Variants in CCDC169 observed in about 807,000 individuals in gnomAD.
The protein encoded by CCDC169 is coiled-coil domain containing 169, also known as coiled-coil domain-containing protein 169.
Under a neutral mutation model 36.0 loss-of-function variants are expected in CCDC169, and 30 were observed. That is an observed-to-expected ratio of 0.83 (90% CI 0.62 to 1.13). The LOEUF is 1.13. Ranked by LOEUF, CCDC169 falls within the 50% of genes most tolerant of loss-of-function variation. CCDC169 has a pLI of 0.00. For missense variants in CCDC169, 245 were observed against 245.9 expected (o/e 1.00, Z 0.03); for synonymous variants, 85 against 81.5 (o/e 1.04, Z -0.23).
At chr13:36,278,633 T>C (rs953450670) in intron 4 of CCDC169, among the ~76,000 whole-genome samples, 1 of 152,104 alleles carries the variant, frequency 6.6e-6, no homozygotes, top group African/African-American at 2.4e-5. Context: ...TGTCCCCCCA[T>C]CCTTTCTCAA....
intron 4 of CCDC169, among the ~76,000 whole-genome samples, chr13:36,271,345 C>T (rs1925843): frequency 0.25 from 38,730 of 151,992 alleles, 5,212 homozygotes; most frequent in East Asian, 0.49. Flanking sequence ...GAAAACAGTA[C>T]GGAGATTCCT....
Position 36,230,821 on chromosome 13 carries a change from C to G in CCDC169, c.*372G>C. ...TTTAAAAAACTGAGCAAGATCCAGC[C>G]CAAAATGGCAAAAAGGTTTTATGAA... On this transcript the variant is annotated 3_prime_UTR_variant, in exon 8 of 8. Transcript: ENST00000239859. The G allele has an allele frequency of 1.0e-6, 1 of 989,944 alleles. No homozygotes were observed. Among genetic ancestry groups the G allele is most frequent in the Non-Finnish European group, 1.2e-6 (1 of 833,316 alleles). 61.3% of individuals were successfully genotyped at this position (989,944 alleles called of 1,614,324 possible). A position where few individuals can be genotyped will look rare whatever the true frequency, so the allele number is the denominator to read the frequency against.
chr13:36,285,614 G>GATAGATAGATAGATAGATACATACATAC (rs568184993), intron 2 of CCDC169, among the ~76,000 whole-genome samples: 1 of 138,074 alleles, frequency 7.2e-6, no homozygotes, highest in Non-Finnish European at 1.6e-5. Context: ...TAGATAGATA[G>GATAGATAGATAGATAGATACATACATAC]ATAGATACAT....
At chr13:36,297,427 A>G (rs1879659545) in intron 1 of CCDC169, among the ~76,000 whole-genome samples, 1 of 152,142 alleles carries the variant, frequency 6.6e-6, no homozygotes, top group South Asian at 2.1e-4. Flanking sequence ...TCCTACCCGG[A>G]AAGCTGCCTA....
intron 7 of CCDC169, among the ~76,000 whole-genome samples, chr13:36,246,491 A>C (rs1239031396): frequency 2.6e-5 from 4 of 152,360 alleles, no homozygotes; most frequent in African/African-American, 9.6e-5. Context: ...AATCCTTTCA[A>C]TTCTATGAAG....
chr13:36,271,608 T>C (rs1300504645), intron 4 of CCDC169, among the ~76,000 whole-genome samples: 1 of 152,154 alleles, frequency 6.6e-6, no homozygotes, highest in African/African-American at 2.4e-5. Flanking sequence ...TCTTTTGCAG[T>C]AACTTGGATG....
At chr13:36,258,866 A>T (rs183020546) in intron 4 of CCDC169, among the ~76,000 whole-genome samples, 56 of 152,264 alleles carry the variant, frequency 3.7e-4, no homozygotes, top group Non-Finnish European at 6.0e-4. Flanking sequence ...AGATCCAAGA[A>T]CCCTCTCTTG....
chr13:36,245,503 T>C (rs549695346), intron 7 of CCDC169, among the ~76,000 whole-genome samples: 17 of 151,994 alleles, frequency 1.1e-4, no homozygotes, highest in Non-Finnish European at 2.5e-4. Context: ...TTGCCATGTT[T>C]CCCAAGTTGG....
At position 36,254,154 on chromosome 13, in the gene CCDC169, A is replaced by G; in HGVS notation, c.316-11T>C. ...TGTGTTTAAGGATTCCTAAAAATATAAATAGTAAAATTTTATATGTACTCA... is the reference window on the plus strand; with the variant it reads ...TGTGTTTAAGGATTCCTAAAAATATGAATAGTAAAATTTTATATGTACTCA... On this transcript the variant is annotated splice_polypyrimidine_tract_variant and intron_variant, in intron 4 of 7. Coordinates refer to ENST00000239859, the MANE Select transcript of CCDC169 (RefSeq NM_001144981.3). 6.7e-7 allele frequency: 1 copy of G among 1,483,954 alleles called. No homozygotes were observed. The highest frequency in any genetic ancestry group is 9.0e-7 in the Non-Finnish European group (1 of 1,114,948). The allele number at this position is 1,483,954 out of a possible 1,614,324, so 91.9% of individuals were successfully genotyped here.
At chr13:36,238,380 C>A (rs9546830) in intron 7 of CCDC169, among the ~76,000 whole-genome samples, 61,635 of 152,012 alleles carry the variant, frequency 0.41, 13,270 homozygotes, top group Non-Finnish European at 0.48. Flanking sequence ...GATTGTCCTG[C>A]CTTGGCCTTC....
intron 4 of CCDC169, chr13:36,280,710 C>G (rs929364099): frequency 6.6e-6 from 1 of 152,174 alleles, no homozygotes; most frequent in African/African-American, 2.4e-5. Context: ...GAACTGTCTA[C>G]AGTGGATATG....
intron 2 of CCDC169, 53 bp downstream of exon 2, chr13:36,295,724 TA>T (rs1879400304): frequency 1.1e-6 from 1 of 922,696 alleles, no homozygotes; most frequent in African/African-American, 1.7e-5. Flanking sequence ...GATATCCTGG[TA>T]AAATGAACAA....
At chr13:36,242,557 TTA>T (rs1353358907) in intron 7 of CCDC169, among the ~76,000 whole-genome samples, 1 of 152,218 alleles carries the variant, frequency 6.6e-6, no homozygotes, top group Non-Finnish European at 1.5e-5. Flanking sequence ...TATGTTTCTA[TTA>T]GATGAGTGAT....
At chr13:36,237,266 G>A (rs1328632) in intron 7 of CCDC169, among the ~76,000 whole-genome samples, 61,551 of 151,756 alleles carry the variant, frequency 0.41, 13,246 homozygotes, top group Non-Finnish European at 0.48. Flanking sequence ...CCACTAGGAT[G>A]GTTAAATTTT....
chr13:36,278,328 G>A (rs1460035809), intron 4 of CCDC169, among the ~76,000 whole-genome samples: 1 of 152,042 alleles, frequency 6.6e-6, no homozygotes, highest in African/African-American at 2.4e-5. Flanking sequence ...CTTCCTCAGT[G>A]TCCCATAGTC....
At chr13:36,295,709 C>T (rs1879397800) in intron 2 of CCDC169, 69 bp downstream of exon 2, 2 of 801,438 alleles carry the variant, frequency 2.5e-6, no homozygotes, top group East Asian at 2.8e-5. Flanking sequence ...ATTTAATGCA[C>T]CATAGATATC....
At chr13:36,249,074 A>G (rs1033965174) in intron 6 of CCDC169, among the ~76,000 whole-genome samples, 15 of 152,188 alleles carry the variant, frequency 9.9e-5, no homozygotes, top group African/African-American at 3.1e-4. Flanking sequence ...ACAAGATAAT[A>G]TTTTCATTTT....
chr13:36,251,088 G>A (rs185857673), intron 6 of CCDC169, among the ~76,000 whole-genome samples: 335 of 152,272 alleles, frequency 2.2e-3, no homozygotes, highest in African/African-American at 7.5e-3. Flanking sequence ...AGCAATGTCC[G>A]TATTGTACTT....
At chr13:36,253,730 A>T in intron 6 of CCDC169, 73 bp downstream of exon 6, 1 of 1,499,088 alleles carries the variant, frequency 6.7e-7, no homozygotes, top group Non-Finnish European at 8.9e-7. Flanking sequence ...ACCAAAAACA[A>T]AACCTAGAAA....
Sources: allele counts gnomAD v4.1 joint callset (sites outside exome capture counted in the v4.1 genomes callset), GRCh38; gene constraint gnomAD v4.1.1; transcripts MANE v1.5; gene names NCBI Gene and HGNC (gene_info 2026-07-23, HGNC 2026-07-21).